Variants in HOXA3 observed in about 807,000 individuals in gnomAD.
The protein encoded by HOXA3 is homeobox protein Hox-A3.
In HOXA3, 8 loss-of-function variants were observed where a neutral mutation model predicts 30.3. That is an observed-to-expected ratio of 0.26 (90% CI 0.15 to 0.48). The LOEUF is 0.48. Among genes scored for constraint, HOXA3 ranks in the 20% least tolerant of loss-of-function variants. The pLI is 0.99. For synonymous variants in HOXA3, 323 were observed against 273.1 expected (o/e 1.18, Z -1.80); for missense variants, 653 against 614.4 (o/e 1.06, Z -0.66).
rs777001617 is a variant in HOXA3, at chr7:27,110,358, G to C, written c.283C>G (p.Pro95Ala). 2 of 1,506,050 alleles carry C rather than the reference G, an allele frequency of 1.3e-6. No individual in the cohort carries two copies. The highest frequency in any genetic ancestry group is 1.8e-6 in the Non-Finnish European group (2 of 1,132,318). The allele number at this position is 1,506,050 out of a possible 1,614,324, so 93.3% of individuals were successfully genotyped here. The change falls in exon 5 of 6, where the codon CCC becomes GCC. Residue 95 changes from proline (P) to alanine (A), a missense_variant. Physicochemically the swap from Pro to Ala is conservative, Grantham distance 27 (BLOSUM62 -1). Coordinates refer to ENST00000612286, the MANE Select transcript of HOXA3 (RefSeq NM_153631.3). ...LGEPPLHPPP[P>A]QAAPPAPQPP... ...TGTGGGGCAGGGGGCGCGGCCTGGG[G>C]CGGCGGCGGGTGCAGGGGCGGCTCT...
chr7:27,144,192 C>T (rs1228226665), intron 1 of HOXA3, among the ~76,000 whole-genome samples: 2 of 152,192 alleles, frequency 1.3e-5, no homozygotes, highest in Non-Finnish European at 1.5e-5. Context: ...GGGGTCGGTA[C>T]TGACCGTCCT....
chr7:27,130,917 C>A (rs1785532776), intron 2 of HOXA3: 3 of 643,332 alleles, frequency 4.7e-6, no homozygotes, highest in Non-Finnish European at 8.4e-6. Flanking sequence ...TCGAGCCGCT[C>A]CTCCCCAGCC....
intron 2 of HOXA3, chr7:27,134,269 T>C (rs1785649753): frequency 6.6e-6 from 1 of 152,220 alleles, no homozygotes; most frequent in Non-Finnish European, 1.5e-5. Context: ...GATAATTTTC[T>C]TGTAGTAGTT....
At chr7:27,138,209 G>T (rs1205543166) in intron 2 of HOXA3, among the ~76,000 whole-genome samples, 1 of 152,138 alleles carries the variant, frequency 6.6e-6, no homozygotes, top group African/African-American at 2.4e-5. Context: ...TACTTTAATA[G>T]GTTACACACA....
intron 1 of HOXA3, chr7:27,147,493 C>A (rs1417504395): frequency 1.2e-6 from 2 of 1,614,094 alleles, no homozygotes; most frequent in Non-Finnish European, 1.7e-6. Flanking sequence ...CGAGGCGCCA[C>A]TGAGGTCCTT....
Position 27,135,852 on chromosome 7 carries a change from G to T in HOXA3, c.-390+4231C>A, listed in dbSNP as rs1785694478. On this transcript the variant is annotated intron_variant, in intron 2 of 5. Coordinates refer to ENST00000612286, the MANE Select transcript of HOXA3 (RefSeq NM_153631.3). ...GTTCTCCAACACCTAAGGTGTTGATGTTTCAGTAATCTATGCCTATTTACC... is the reference window on the plus strand; with the variant it reads ...GTTCTCCAACACCTAAGGTGTTGATTTTTCAGTAATCTATGCCTATTTACC... Among the ~76,000 whole-genome samples the T allele has an allele frequency of 2.0e-5, 3 of 152,202 alleles. No homozygotes were observed. The South Asian group carries it at 6.2e-4, about 31-fold the overall frequency.
Position 27,143,101 on chromosome 7 carries a change from C to T in HOXA3, c.-493-2915G>A, listed in dbSNP as rs1464036533. 8.3e-6 allele frequency: 13 copies of T among 1,566,774 alleles called. 1 individual carries two copies. In the South Asian group the frequency reaches 1.6e-4, roughly 19 times the overall value. ...GGTAGATCTGGGGTTGGGCGGGCGG[C>T]GCCGGGCTCGGCTCGCTCTGCGCAC... is the stretch of plus-strand genomic sequence containing the variant. On this transcript the variant is annotated intron_variant, in intron 1 of 5. Coordinates refer to ENST00000612286, the MANE Select transcript of HOXA3 (RefSeq NM_153631.3).
At chr7:27,125,784 CT>C (rs1214601666) in intron 3 of HOXA3, among the ~76,000 whole-genome samples, 10 of 152,320 alleles carry the variant, frequency 6.6e-5, no homozygotes, top group Non-Finnish European at 1.3e-4. Context: ...GGTTTTTCTT[CT>C]CTTTCATTCT....
intron 1 of HOXA3, chr7:27,145,364 G>A: frequency 2.3e-6 from 1 of 441,238 alleles, no homozygotes; most frequent in South Asian, 3.4e-5. Flanking sequence ...CAGAACTCCG[G>A]AGCCGGTTTG....
chr7:27,147,441 C>T, intron 1 of HOXA3: 3 of 1,614,196 alleles, frequency 1.9e-6, no homozygotes, highest in Non-Finnish European at 2.5e-6. Context: ...GAGAAAAGTG[C>T]AGGTAGTCCC....
intron 4 of HOXA3, among the ~76,000 whole-genome samples, chr7:27,118,366 G>A (rs1403029903): frequency 5.3e-5 from 8 of 152,322 alleles, no homozygotes; most frequent in Admixed American, 3.9e-4. Flanking sequence ...CTGGGTCTCC[G>A]CTCCAAATGC....
intron 1 of HOXA3, chr7:27,151,607 C>A (rs766264828): frequency 2.8e-5 from 13 of 456,602 alleles, no homozygotes; most frequent in South Asian, 2.0e-4. Context: ...CCCCTCCCAG[C>A]GCTTCAGACA....
chr7:27,137,860 T>C (rs1583402017), intron 2 of HOXA3, among the ~76,000 whole-genome samples: 1 of 152,332 alleles, frequency 6.6e-6, no homozygotes, highest in East Asian at 1.9e-4. Flanking sequence ...TTTCTGCTCA[T>C]TCCCACACCC....
rs781043040 is a variant in HOXA3, at chr7:27,143,563, A to T, written c.-493-3377T>A. Reference sequence around the variant, plus strand: ...AATTATGCAACTGGTAGTCCGGGCCATTTGGATAGCGACCGCAAAATGAGT... The same window carrying T: ...AATTATGCAACTGGTAGTCCGGGCCTTTTGGATAGCGACCGCAAAATGAGT... On this transcript the variant is annotated intron_variant, in intron 1 of 5. Coordinates refer to ENST00000612286, the MANE Select transcript of HOXA3 (RefSeq NM_153631.3). 140 of 1,605,216 alleles carry T rather than the reference A, an allele frequency of 8.7e-5. No individual in the cohort carries two copies. The highest frequency in any genetic ancestry group is 1.2e-4 in the Non-Finnish European group (138 of 1,175,686).
At chr7:27,129,190 G>GT in intron 2 of HOXA3, 1 of 1,210,940 alleles carries the variant, frequency 8.3e-7, no homozygotes. Flanking sequence ...AGAAAAGCAG[G>GT]TAAGGGATAG....
At chr7:27,133,022 A>G (rs1785608653) in intron 2 of HOXA3, among the ~76,000 whole-genome samples, 2 of 152,234 alleles carry the variant, frequency 1.3e-5, no homozygotes, top group Admixed American at 6.5e-5. Context: ...CGGTTAACCC[A>G]AACGAGTTAG....
At chr7:27,133,132 A>G (rs1440622642) in intron 2 of HOXA3, among the ~76,000 whole-genome samples, 1 of 152,220 alleles carries the variant, frequency 6.6e-6, no homozygotes, top group Non-Finnish European at 1.5e-5. Context: ...TATCATAAAC[A>G]CAAACGGAGC....
Position 27,110,680 on chromosome 7 carries a change from G to A in HOXA3, c.-40C>T, listed in dbSNP as rs370045147. On this transcript the variant is annotated 5_prime_UTR_variant, in exon 5 of 6. Transcript: ENST00000612286. ...ATCTTGATCGCACACTCTGACAGGG[G>A]TTTGACACCCGTGAGGGCGCACATT... is the stretch of plus-strand genomic sequence containing the variant. 1.3e-6 allele frequency: 2 copies of A among 1,589,206 alleles called. No homozygotes were observed. The highest frequency in any genetic ancestry group is 8.6e-7 in the Non-Finnish European group (1 of 1,160,394).
intron 1 of HOXA3, chr7:27,142,022 T>G: frequency 5.0e-6 from 8 of 1,614,218 alleles, no homozygotes; most frequent in Non-Finnish European, 6.8e-6. Context: ...CTTCTCCAGC[T>G]CCAGGGTCTG....
Sources: gnomAD v4.1 joint callset for allele counts (sites outside exome capture counted in the v4.1 genomes callset) on GRCh38, gnomAD v4.1.1 for gene constraint, MANE v1.5 for transcripts, NCBI Gene and HGNC (gene_info 2026-07-23, HGNC 2026-07-21) for gene names.